THBS2: variants seen among roughly 807,000 people sequenced by gnomAD.
THBS2 encodes thrombospondin-2.
A neutral mutation model predicts 135.2 loss-of-function variants in THBS2; 47 were observed. The observed-to-expected ratio is 0.35, with a 90% CI of 0.28 to 0.44. The LOEUF (loss-of-function observed/expected upper bound fraction) is 0.44. Among genes scored for constraint, THBS2 ranks in the 20% least tolerant of loss-of-function variants. The pLI, the probability that THBS2 is intolerant of heterozygous loss-of-function variation, is 1.00. For synonymous variants in THBS2, 639 were observed against 633.8 expected (o/e 1.01, Z -0.12); for missense variants, 1,288 against 1,603.1 (o/e 0.80, Z 3.36).
Position 169,237,193 on chromosome 6 carries a change from G to A in THBS2, c.1454C>T (p.Ala485Val), listed in dbSNP as rs764132428. 34 of 1,610,142 alleles carry A rather than the reference G, an allele frequency of 2.1e-5. No individual in the cohort carries two copies. Among genetic ancestry groups the A allele is most frequent in the African/African-American group, 4.0e-5 (3 of 75,054 alleles). ...NCKGSGRETK[A>V]CQGAPCPIDG... is the part of the protein sequence containing the mutation. ...ACTTGGGCATGGGGCGCCCTGGCAGGCTTTGGTCTCCCGGCCACTCCCTTT... is the reference window on the plus strand; with the variant it reads ...ACTTGGGCATGGGGCGCCCTGGCAGACTTTGGTCTCCCGGCCACTCCCTTT... Residue 485 changes from alanine (A) to valine (V), a missense_variant, in exon 9 of 22, where the codon GCC becomes GTC. Coordinates refer to ENST00000617924, the MANE Select transcript of THBS2 (RefSeq NM_003247.5).
chr6:169,248,247 T>A (rs540849925), intron 3 of THBS2, among the ~76,000 whole-genome samples, 170 bp downstream of exon 3: 31 of 152,198 alleles, frequency 2.0e-4, no homozygotes, highest in African/African-American at 7.5e-4. Flanking sequence ...TGTGTGCATG[T>A]GCATGTGGTG....
chr6:169,232,382 A>T (rs1462214217), intron 12 of THBS2, among the ~76,000 whole-genome samples, 184 bp from the exon 13 acceptor site: 2 of 152,016 alleles, frequency 1.3e-5, no homozygotes, highest in Non-Finnish European at 2.9e-5. Flanking sequence ...TCCGTTTGTG[A>T]CTCAGCCATC....
In THBS2 at chr6:169,217,687, G is replaced by T. The variant is rs1359354600; in HGVS notation, c.*135C>A. On this transcript the variant is annotated 3_prime_UTR_variant, in exon 22 of 22. Transcript: ENST00000617924. ...TTGGGTTTGGGGTTGCTGGCAGGAG[G>T]TGAAGAACCATCAGAGTTAAGGTCA... 4.9e-6 allele frequency: 4 copies of T among 810,912 alleles called. No individual in the cohort carries two copies. The highest frequency in any genetic ancestry group is 7.3e-6 in the Non-Finnish European group (4 of 545,512). The allele number at this position is 810,912 out of a possible 1,614,324, so 50.2% of individuals were successfully genotyped here. A position where few individuals can be genotyped will look rare whatever the true frequency, so the allele number is the denominator to read the frequency against.
chr6:169,231,951 C>T (rs758577427), intron 13 of THBS2, 29 bp downstream of exon 13: 1 of 1,610,094 alleles, frequency 6.2e-7, no homozygotes, highest in South Asian at 1.1e-5. Flanking sequence ...CGCCGTGGCC[C>T]CGTGTGCCCT....
At chr6:169,224,976 A>G (rs1489570414) in intron 17 of THBS2, among the ~76,000 whole-genome samples, 169 bp downstream of exon 17, 1 of 152,214 alleles carries the variant, frequency 6.6e-6, no homozygotes, top group African/African-American at 2.4e-5. Context: ...GTTGAGTGTC[A>G]GGGGAGAAGA....
In THBS2 at chr6:169,222,229, C is replaced by T. The variant is rs1050095070; in HGVS notation, c.3241G>A (p.Ala1081Thr). 7 of 1,612,122 alleles carry T rather than the reference C, an allele frequency of 4.3e-6. No homozygotes were observed. The highest frequency in any genetic ancestry group is 5.1e-6 in the Non-Finnish European group (6 of 1,179,584). Residue 1081 changes from alanine (A) to threonine (T), a missense_variant, in exon 19 of 22, where the codon GCG (alanine) becomes ACG (threonine). Coordinates refer to ENST00000617924, the MANE Select transcript of THBS2 (RefSeq NM_003247.5). ...GGCGTGTTCCCCGTGTGCCACAGCG[C>T]GTTCCTCAGGTGCTCGCCCGTCCCC... The part of the protein sequence containing the change: ...TTGTGEHLRN[A>T]LWHTGNTPGQ...
chr6:169,233,886 G>C (rs1779941658), intron 10 of THBS2, among the ~76,000 whole-genome samples: 1 of 146,798 alleles, frequency 6.8e-6, no homozygotes, highest in African/African-American at 2.6e-5. Context: ...CTACCTACAT[G>C]CCACATTCTA....
At chr6:169,223,161 T>C (rs1779494269) in intron 18 of THBS2, 87 bp downstream of exon 18, 1 of 1,261,810 alleles carries the variant, frequency 7.9e-7, no homozygotes, top group East Asian at 2.5e-5. Context: ...GCATCCCACC[T>C]GCATGATCTT....
intron 10 of THBS2, among the ~76,000 whole-genome samples, chr6:169,234,338 C>CATTCCACACCACACAACTACCCACA (rs1779956014): frequency 2.9e-5 from 2 of 68,434 alleles, no homozygotes; most frequent in African/African-American, 7.8e-5. Context: ...TACCCACACA[C>CATTCCACACCACACAACTACCCACA]CACATTCCAC....
chr6:169,227,527 T>C (rs1779679453), intron 15 of THBS2, among the ~76,000 whole-genome samples: 1 of 152,072 alleles, frequency 6.6e-6, no homozygotes, highest in South Asian at 2.1e-4. Flanking sequence ...TTAGAAAAGA[T>C]GCCATGAAGA....
chr6:169,238,108 A>T (rs1184906787), intron 7 of THBS2, among the ~76,000 whole-genome samples: 2 of 152,232 alleles, frequency 1.3e-5, no homozygotes, highest in Non-Finnish European at 2.9e-5. Context: ...AATCGATTTT[A>T]TAAAATAGCT....
At chr6:169,235,500 A>G (rs1483635807) in intron 9 of THBS2, among the ~76,000 whole-genome samples, 1 of 151,944 alleles carries the variant, frequency 6.6e-6, no homozygotes, top group Non-Finnish European at 1.5e-5. Context: ...CAGCACATCC[A>G]TGCACTTCCC....
intron 20 of THBS2, 41 bp from the exon 21 acceptor site, chr6:169,220,378 A>G: frequency 1.9e-6 from 3 of 1,591,902 alleles, no homozygotes; most frequent in Non-Finnish European, 2.6e-6. Context: ...AAAGAAAGAC[A>G]ACATGAACTC....
chr6:169,218,013 T>A (rs1206585658), intron 21 of THBS2, among the ~76,000 whole-genome samples, 184 bp from the exon 22 acceptor site: 1 of 96,574 alleles, frequency 1.0e-5, no homozygotes, highest in African/African-American at 3.8e-5. Context: ...GGTGGATGGA[T>A]GAGATGGGTC....
rs757643418 is a variant in THBS2, at chr6:169,234,766, C to T, written c.1619G>A (p.Arg540His). 35 of 1,597,860 alleles carry T rather than the reference C, an allele frequency of 2.2e-5. No homozygotes were observed. The highest frequency in any genetic ancestry group is 4.0e-5 in the African/African-American group (3 of 74,440). Residue 540 changes from arginine (R) to histidine (H), a missense_variant, in exon 10 of 22, where the codon CGT (arginine) becomes CAT (histidine). Arg to His is a conservative substitution (Grantham distance 29, BLOSUM62 0). Around this residue, in one of 2 missense-constraint regions of THBS2, gnomAD observed 874 missense variants for 1,156.1 expected, o/e 0.76. Coordinates refer to ENST00000617924, the MANE Select transcript of THBS2 (RefSeq NM_003247.5). ...GCAGCTCCTCTTGTTGCACATCTGA[C>T]GCTCCTGCACATCCCCCACGCAGGC... Reference protein sequence around the residue: ...GKACVGDVQERQMCNKRSCPV... With the variant: ...GKACVGDVQEHQMCNKRSCPV...
Position 169,249,103 on chromosome 6 carries a change from C to T in THBS2, c.53-130G>A, listed in dbSNP as rs927284509. ...GGCCTCCCAATATCCCGCAGCTTCT[C>T]TCCCTTTTTTATGGGAATCCTGGAG... On this transcript the variant is annotated intron_variant, in intron 2 of 21. Transcript: ENST00000617924. The T allele has an allele frequency of 2.8e-5, 25 of 895,098 alleles. No homozygotes were observed. The East Asian group carries it at 6.4e-4, about 23-fold the overall frequency. The allele number at this position is 895,098 out of a possible 1,614,324, so 55.4% of individuals were successfully genotyped here. A position where few individuals can be genotyped will look rare whatever the true frequency, so the allele number is the denominator to read the frequency against.
intron 4 of THBS2, among the ~76,000 whole-genome samples, chr6:169,245,585 G>A (rs1182861974): frequency 2.0e-5 from 3 of 152,126 alleles, no homozygotes; most frequent in Non-Finnish European, 2.9e-5. Flanking sequence ...GAGGTCAGGA[G>A]ATCGAGACCA....
At chr6:169,249,703 A>G (rs896871733) in intron 2 of THBS2, among the ~76,000 whole-genome samples, 2 of 152,186 alleles carry the variant, frequency 1.3e-5, no homozygotes, top group East Asian at 3.8e-4. Context: ...ATTGGCAAGA[A>G]AAGTGATCAG....
chr6:169,226,384 A>G, intron 15 of THBS2, 86 bp from the exon 16 acceptor site: 1 of 1,012,480 alleles, frequency 9.9e-7, no homozygotes. Flanking sequence ...TTCCTATCAC[A>G]CGAAATTGCT....
Sources: allele counts gnomAD v4.1 joint callset (sites outside exome capture counted in the v4.1 genomes callset), GRCh38; gene constraint gnomAD v4.1.1; regional missense constraint gnomAD v4.1.1; transcripts MANE v1.5; gene names NCBI Gene and HGNC (gene_info 2026-07-23, HGNC 2026-07-21).